The following FTSJ3 variants were observed in gnomAD, a reference collection of about 807,000 sequenced individuals.
FTSJ3 encodes pre-rRNA 2'-O-ribose RNA methyltransferase FTSJ3.
A neutral mutation model predicts 111.5 loss-of-function variants in FTSJ3; 46 were observed. That is an observed-to-expected ratio of 0.41 (90% CI 0.33 to 0.53). The LOEUF (loss-of-function observed/expected upper bound fraction) is 0.53. Ranked by LOEUF, FTSJ3 falls within the 20% of genes least tolerant of loss-of-function variation. The pLI, the probability that FTSJ3 is intolerant of heterozygous loss-of-function variation, is 0.19. For synonymous variants in FTSJ3, 408 were observed against 383.0 expected (o/e 1.07, Z -0.76); for missense variants, 1,075 against 1,063.8 (o/e 1.01, Z -0.15).
chr17:63,825,947 G>A lies in FTSJ3; in HGVS notation c.300+109C>T, dbSNP rs1328042454. 4.6e-6 allele frequency: 4 copies of A among 868,176 alleles called. No individual in the cohort carries two copies. In the African/African-American group the frequency reaches 5.1e-5, roughly 11 times the overall value. The allele number at this position is 868,176 out of a possible 1,614,324, so 53.8% of individuals were successfully genotyped here. A position where few individuals can be genotyped will look rare whatever the true frequency, so the allele number is the denominator to read the frequency against. ...ATAGGTCTTGTCGTACAGATGTCAG[G>A]CAAGAACGTGCTCAAAGCACGGTAA... On this transcript the variant is annotated intron_variant, in intron 5 of 20. Coordinates refer to ENST00000427159, the MANE Select transcript of FTSJ3 (RefSeq NM_017647.4).
Position 63,820,426 on chromosome 17 carries a change from A to G in FTSJ3, c.2085T>C (p.Asn695=). The G allele has an allele frequency of 1.2e-6, 2 of 1,613,988 alleles. No individual in the cohort carries two copies. Among genetic ancestry groups the G allele is most frequent in the Non-Finnish European group, 1.7e-6 (2 of 1,179,960 alleles). Residue 695 remains asparagine, a synonymous_variant, in exon 19 of 21, where the codon AAT becomes AAC. Coordinates refer to ENST00000427159, the MANE Select transcript of FTSJ3 (RefSeq NM_017647.4). ...IDNSFNRYTF[N]EDEGELPEWF... is the part of the protein sequence containing the mutation. ...ACTCCGGAAGCTCCCCCTCATCCTCATTAAATGTGTACCTGAGTGGAAAGG... is the reference window on the plus strand; with the variant it reads ...ACTCCGGAAGCTCCCCCTCATCCTCGTTAAATGTGTACCTGAGTGGAAAGG...
At chr17:63,825,857 C>G (rs1202331743) in intron 5 of FTSJ3, 199 bp downstream of exon 5, 1 of 631,168 alleles carries the variant, frequency 1.6e-6, no homozygotes, top group Non-Finnish European at 2.8e-6. Context: ...CTCTGCCCTT[C>G]TCCCAATTCC....
chr17:63,820,216 C>CCCCCA, intron 19 of FTSJ3, 39 bp downstream of exon 19: 8 of 1,369,388 alleles, frequency 5.8e-6, no homozygotes, highest in South Asian at 2.3e-5. Context: ...CATCCCCCCA[C>CCCCCA]CCCCACCCCA....
rs975586880 is a variant in FTSJ3, at chr17:63,827,089, A to T, written c.-64T>A. ...CCGCTTTCTCCACACTTGGAACCGC[A>T]CAAGTATGCAGCTAACTACTTCCGC... On this transcript the variant is annotated 5_prime_UTR_variant, in exon 1 of 21. Coordinates refer to ENST00000427159, the MANE Select transcript of FTSJ3 (RefSeq NM_017647.4). The T allele has an allele frequency of 6.8e-6, 4 of 586,670 alleles. No individual in the cohort carries two copies. The highest frequency in any genetic ancestry group is 1.2e-5 in the Non-Finnish European group (4 of 345,594). The allele number at this position is 586,670 out of a possible 1,614,324, so 36.3% of individuals were successfully genotyped here.
In FTSJ3 at chr17:63,819,803, T is replaced by C. The variant is rs1308199108; in HGVS notation, c.2543A>G (p.Ter848=). 6.2e-7 allele frequency: 1 copy of C among 1,611,888 alleles called. No homozygotes were observed. ...KEQKKKHKRK[*] is the part of the protein sequence containing the mutation. ...CTCCTGGGAGCCTGGCAGCTCTGCT[T>C]ACTTCCGTTTGTGTTTTTTCTTTTG... Residue 848 remains the stop codon, a stop_retained_variant, in exon 21 of 21, where the codon TAA becomes TGA. Coordinates refer to ENST00000427159, the MANE Select transcript of FTSJ3 (RefSeq NM_017647.4).
Position 63,825,092 on chromosome 17 carries a change from G to C in FTSJ3, c.667C>G (p.Gln223Glu). 1.2e-6 allele frequency: 2 copies of C among 1,614,152 alleles called. No homozygotes were observed. Among genetic ancestry groups the C allele is most frequent in the Non-Finnish European group, 1.7e-6 (2 of 1,180,020 alleles). The change falls in exon 8 of 21, where the codon CAG becomes GAG. Residue 223 changes from glutamine (Q) to glutamate (E), a missense_variant. By Grantham distance (29) the Gln-to-Glu change is conservative. Transcript: ENST00000427159. ...PKFAFKEVEV[Q>E]AKTVTELVTK... ...ACCAATTCAGTAACGGTCTTAGCCT[G>C]AACTTCAACCTCCTTAAAGGCAAAT...
At position 63,824,468 on chromosome 17, in the gene FTSJ3, T is replaced by C. The variant is rs2040079254; in HGVS notation, c.918-57A>G. Reference sequence around the variant, plus strand: ...ATCTCCCTCTTTGTCCCCGCCCCCTTCTGTTTTAGGCTCACTACCCACCTT... The same window carrying C: ...ATCTCCCTCTTTGTCCCCGCCCCCTCCTGTTTTAGGCTCACTACCCACCTT... On this transcript the variant is annotated intron_variant, in intron 10 of 20. Transcript: ENST00000427159. 3.1e-6 allele frequency: 5 copies of C among 1,587,408 alleles called. No homozygotes were observed. In the South Asian group the frequency reaches 4.4e-5, roughly 14 times the overall value.
At chr17:63,822,787 C>T in intron 13 of FTSJ3, among the ~76,000 whole-genome samples, 1 of 152,086 alleles carries the variant, frequency 6.6e-6, no homozygotes, top group South Asian at 2.1e-4. Flanking sequence ...AAGATCTTGT[C>T]TCAAAGGAAA....
rs751549614 is a variant in FTSJ3, at chr17:63,821,794, T to TCTC, written c.1522_1524dup (p.Glu508dup). 130 of 1,613,884 alleles carry TCTC rather than the reference T, an allele frequency of 8.1e-5. No individual in the cohort carries two copies. The highest frequency in any genetic ancestry group is 3.3e-4 in the Middle Eastern group (2 of 6,062). On this transcript the variant is annotated inframe_insertion, in exon 15 of 21. Transcript: ENST00000427159. Reference sequence around the variant, plus strand: ...TCCTCCAGTGGTACCAGCAGTGGATTCTCCTCCTCCTCCTCCTCTTTATCA... The same window carrying TCTC: ...TCCTCCAGTGGTACCAGCAGTGGATTCTCCTCCTCCTCCTCCTCCTCTTTATCA...
intron 13 of FTSJ3, chr17:63,823,592 CT>C (rs2040069834): frequency 2.3e-6 from 1 of 426,134 alleles, no homozygotes; most frequent in Admixed American, 4.8e-5. Context: ...AAGACTCCGT[CT>C]CAAAAAAAAA....
chr17:63,820,462 A>G, intron 18 of FTSJ3, 24 bp from the exon 19 acceptor site: 1 of 1,608,364 alleles, frequency 6.2e-7, no homozygotes, highest in Non-Finnish European at 8.5e-7. Context: ...ACATCTGTCT[A>G]ATATCCAACA....
At chr17:63,826,370 T>G in intron 3 of FTSJ3, 66 bp from the exon 4 acceptor site, 4 of 1,469,260 alleles carry the variant, frequency 2.7e-6, no homozygotes, top group Non-Finnish European at 3.8e-6. Context: ...AACTGATCTC[T>G]CATCCCTGGT....
At chr17:63,823,998 T>G in intron 12 of FTSJ3, 46 bp from the exon 13 acceptor site, 2 of 1,613,898 alleles carry the variant, frequency 1.2e-6, no homozygotes, top group Non-Finnish European at 1.7e-6. Flanking sequence ...GCTCCAAAGT[T>G]TCTATCCATG....
At chr17:63,824,956 G>A (rs776888715) in intron 8 of FTSJ3, 27 bp from the exon 9 acceptor site, 6 of 1,576,724 alleles carry the variant, frequency 3.8e-6, no homozygotes, top group South Asian at 1.1e-5. Context: ...GAGAAGCTTG[G>A]TCAGGCCCTT....
Position 63,819,662 on chromosome 17 carries a change from T to A in FTSJ3, c.*140A>T, listed in dbSNP as rs2040027128. ...TCTCTGCTCAGGACCACCACGGGAG[T>A]TCTAGGCACTCCACCTCACTGTTCT... On this transcript the variant is annotated 3_prime_UTR_variant, in exon 21 of 21. Transcript: ENST00000427159. 25 of 764,660 alleles carry A rather than the reference T, an allele frequency of 3.3e-5. 1 individual carries two copies. The South Asian group carries it at 4.4e-4, about 14-fold the overall frequency. The allele number at this position is 764,660 out of a possible 1,614,324, so 47.4% of individuals were successfully genotyped here. A position where few individuals can be genotyped will look rare whatever the true frequency, so the allele number is the denominator to read the frequency against.
chr17:63,826,508 T>C lies in FTSJ3; in HGVS notation c.173+59A>G, dbSNP rs73333748. ...CCTCCCGCAGTGAAACTGGAAGCCATCCCAGCTCAGAACCCAGAAAGCGGC... is the reference window on the plus strand; with the variant it reads ...CCTCCCGCAGTGAAACTGGAAGCCACCCCAGCTCAGAACCCAGAAAGCGGC... On this transcript the variant is annotated intron_variant, in intron 3 of 20. Transcript: ENST00000427159. 9,432 of 1,428,532 alleles carry C rather than the reference T, an allele frequency of 6.6e-3. 498 individuals are homozygous for C. In the African/African-American group the frequency reaches 0.12, roughly 18 times the overall value. 88.5% of individuals were successfully genotyped at this position (1,428,532 alleles called of 1,614,324 possible). A position where few individuals can be genotyped will look rare whatever the true frequency, so the allele number is the denominator to read the frequency against.
rs533684717 is a variant in FTSJ3 at position 63,821,287 on chromosome 17, C to T, written c.1886+67G>A. 7.4e-4 allele frequency: 1,150 copies of T among 1,543,708 alleles called. 1 individual carries two copies. Among genetic ancestry groups the T allele is most frequent in the Non-Finnish European group, 9.7e-4 (1,107 of 1,138,074 alleles). ...CATGTGCAGCCAAGATTAAGAACCC[C>T]CAATTTAGAGAAATGGTTCAAGCCA... On this transcript the variant is annotated intron_variant, in intron 16 of 20. Coordinates refer to ENST00000427159, the MANE Select transcript of FTSJ3 (RefSeq NM_017647.4).
intron 3 of FTSJ3, 89 bp downstream of exon 3, chr17:63,826,478 G>C (rs1053520009): frequency 7.9e-6 from 10 of 1,268,298 alleles, no homozygotes; most frequent in Admixed American, 1.8e-5. Context: ...CGGGATTCGG[G>C]TTCCCCTCCC....
rs1410830405 is a variant in FTSJ3 at position 63,821,032 on chromosome 17, G to C, written c.1970C>G (p.Pro657Arg). The C allele has an allele frequency of 6.2e-7, 1 of 1,613,778 alleles. No homozygotes were observed. The highest frequency in any genetic ancestry group is 1.3e-5 in the African/African-American group (1 of 74,882). The change falls in exon 17 of 21, where the codon CCA becomes CGA. Residue 657 changes from proline (P) to arginine (R), a missense_variant and splice_region_variant. Around this residue, in one of 2 missense-constraint regions of FTSJ3, gnomAD observed 867 missense variants for 796.9 expected, o/e 1.09. Coordinates refer to ENST00000427159, the MANE Select transcript of FTSJ3 (RefSeq NM_017647.4). ...TCCACTGCATACAGAGCTCTCACCT[G>C]GGTCCTCAATAGGCACTATCTCAAA... ...DGFEIVPIED[P>R]AKHRILDPEG...
Sources: allele counts gnomAD v4.1 joint callset (sites outside exome capture counted in the v4.1 genomes callset), GRCh38; gene constraint gnomAD v4.1.1; regional missense constraint gnomAD v4.1.1; transcripts MANE v1.5; gene names NCBI Gene and HGNC (gene_info 2026-07-23, HGNC 2026-07-21).